DOCK3: variants seen among roughly 807,000 people sequenced by gnomAD.
DOCK3 encodes the protein dedicator of cytokinesis protein 3.
DOCK3 carries 60 observed loss-of-function variants against 265.6 expected under a neutral mutation model. That is an observed-to-expected ratio of 0.23 (90% CI 0.18 to 0.28). The LOEUF is 0.28. Among genes scored for constraint, DOCK3 ranks in the 10% least tolerant of loss-of-function variants. The pLI is 1.00. For missense variants in DOCK3, 1,981 were observed against 2,594.3 expected (o/e 0.76, Z 5.14); for synonymous variants, 881 against 938.0 (o/e 0.94, Z 1.11).
chr3:51,070,919 G>A (rs2081835579), intron 6 of DOCK3, among the ~76,000 whole-genome samples: 1 of 152,052 alleles, frequency 6.6e-6, no homozygotes, highest in Non-Finnish European at 1.5e-5. Context: ...ATGATCTGAG[G>A]TGGAACAGTT....
chr3:50,914,166 C>T (rs1016616878), intron 4 of DOCK3, among the ~76,000 whole-genome samples: 2 of 150,598 alleles, frequency 1.3e-5, no homozygotes, highest in Non-Finnish European at 3.0e-5. Context: ...TTTTGTGGCT[C>T]TTTGTATTTT....
At chr3:51,355,275 G>A (rs2086287835) in intron 41 of DOCK3, among the ~76,000 whole-genome samples, 1 of 152,190 alleles carries the variant, frequency 6.6e-6, no homozygotes, top group African/African-American at 2.4e-5. Flanking sequence ...TTATCCCTCA[G>A]GCTGGCTGCT....
At position 50,734,602 on chromosome 3, in the gene DOCK3, G is replaced by GTTTTTTTTTTT. The variant is rs771129941; in HGVS notation, c.38-44065_38-44055dup. Among the ~76,000 whole-genome samples, 6 of 107,382 alleles carry GTTTTTTTTTTT rather than the reference G, an allele frequency of 5.6e-5. 1 individual carries two copies. The highest frequency in any genetic ancestry group is 7.4e-5 in the African/African-American group (2 of 27,080). 70.4% of individuals were successfully genotyped at this position (107,382 alleles called of 152,430 possible). On this transcript the variant is annotated intron_variant, in intron 1 of 52. Transcript: ENST00000266037. ...TATTATATTCTTGCTTTTACAGTGA[G>GTTTTTTTTTTT]TTTTTTTTTTTTTTTTTTGAGATGG...
rs1216965856 is a variant in DOCK3, at chr3:51,064,640, A to T, written c.464+44A>T. On this transcript the variant is annotated intron_variant, in intron 6 of 52. Coordinates refer to ENST00000266037, the MANE Select transcript of DOCK3 (RefSeq NM_004947.5). Reference sequence around the variant, plus strand: ...TGGGTATCTCTCAGTTTCATTTATGATAACTCAGTCTTCAGGGAGTTTGCA... The same window carrying T: ...TGGGTATCTCTCAGTTTCATTTATGTTAACTCAGTCTTCAGGGAGTTTGCA... 3 of 1,603,602 alleles carry T rather than the reference A, an allele frequency of 1.9e-6. No homozygotes were observed. In the Admixed American group the frequency reaches 5.0e-5, roughly 27 times the overall value.
rs535622879 is a variant in DOCK3, at chr3:51,176,468, A to T, written c.1037+15766A>T. ...CCGTCTCTACTAAAAAATAAAAAAA[A>T]AAAAAAAATTAGCCAAGCGTGGTGG... On this transcript the variant is annotated intron_variant, in intron 12 of 52. Transcript: ENST00000266037. Among the ~76,000 whole-genome samples the T allele has an allele frequency of 8.6e-3, 430 of 49,866 alleles. 3 individuals carry two copies. Among genetic ancestry groups the T allele is most frequent in the African/African-American group, 0.034 (409 of 12,166 alleles). 32.7% of individuals were successfully genotyped at this position (49,866 alleles called of 152,430 possible).
At position 51,350,392 on chromosome 3, in the gene DOCK3, G is replaced by A; in HGVS notation, c.4107G>A (p.Arg1369=). ...GCAGGAAGTTTCCTTTCTTTCTTCG[G>A]GTGAGTCCATTCAGATGGTCACAAG... ...FYGRKFPFFL[R]NKEYVCRGHD... Residue 1369 remains arginine, a splice_region_variant and synonymous_variant, in exon 40 of 53, where the codon CGG becomes CGA. Transcript: ENST00000266037. 6.2e-7 allele frequency: 1 copy of A among 1,610,176 alleles called. No homozygotes were observed. Among genetic ancestry groups the A allele is most frequent in the South Asian group, 1.1e-5 (1 of 90,002 alleles).
At chr3:51,288,037 C>A (rs2081508738) in intron 27 of DOCK3, among the ~76,000 whole-genome samples, 2 of 152,154 alleles carry the variant, frequency 1.3e-5, no homozygotes, top group South Asian at 4.1e-4. Flanking sequence ...ACACAGAAAA[C>A]CAAATACCAC....
At chr3:51,203,009 G>C (rs372532972) in intron 12 of DOCK3, among the ~76,000 whole-genome samples, 2 of 152,046 alleles carry the variant, frequency 1.3e-5, no homozygotes, top group African/African-American at 4.8e-5. Flanking sequence ...GTATTGATGG[G>C]ACCTATCTCA....
intron 22 of DOCK3, among the ~76,000 whole-genome samples, chr3:51,257,721 A>C (rs914303463): frequency 3.3e-5 from 5 of 152,224 alleles, no homozygotes; most frequent in Non-Finnish European, 5.9e-5. Context: ...AACTTAAACA[A>C]AAATGGACAG....
At chr3:51,011,576 C>T (rs2078952016) in intron 5 of DOCK3, among the ~76,000 whole-genome samples, 2 of 152,144 alleles carry the variant, frequency 1.3e-5, no homozygotes, top group South Asian at 2.1e-4. Context: ...TGAACTTCCT[C>T]CTTTAGCTCA....
chr3:51,116,188 A>G (rs2083728993), intron 9 of DOCK3, among the ~76,000 whole-genome samples: 1 of 152,064 alleles, frequency 6.6e-6, no homozygotes, highest in Non-Finnish European at 1.5e-5. Context: ...GTGGTGGCTC[A>G]TGCCTGTAAT....
At chr3:50,693,530 C>CTTTTTT (rs35261130) in intron 1 of DOCK3, among the ~76,000 whole-genome samples, 3 of 64,256 alleles carry the variant, frequency 4.7e-5, no homozygotes, top group East Asian at 5.0e-4. Context: ...ATTTCCTTTC[C>CTTTTTT]TTTTTTTTTT....
chr3:50,841,561 CAGTGGGTG>C, intron 2 of DOCK3, 106 bp from the exon 3 acceptor site: 1 of 349,868 alleles, frequency 2.9e-6, no homozygotes, highest in Admixed American at 4.1e-5. Context: ...AATAAAGCCA[CAGTGGGTG>C]TTTTAAGGAA....
At chr3:50,725,318 A>G (rs2037748247) in intron 1 of DOCK3, among the ~76,000 whole-genome samples, 2 of 152,220 alleles carry the variant, frequency 1.3e-5, no homozygotes, top group Admixed American at 6.5e-5. Context: ...GACTATGGTA[A>G]ATTAAGGATG....
Position 51,067,456 on chromosome 3 carries a change from T to TGTGTGTGTGTGTGC in DOCK3, c.464+2861_464+2862insTGTGTGTGTGTGCG, listed in dbSNP as rs1553750450. ...GTGTGTGTGTGTGTGTGTGTGTGTG[T>TGTGTGTGTGTGTGC]GCGCGCGCGTTGGAGGGGTATGTAT... On this transcript the variant is annotated intron_variant, in intron 6 of 52. Coordinates refer to ENST00000266037, the MANE Select transcript of DOCK3 (RefSeq NM_004947.5). Among the ~76,000 whole-genome samples the TGTGTGTGTGTGTGC allele has an allele frequency of 4.6e-3, 691 of 150,316 alleles. 2 individuals are homozygous for TGTGTGTGTGTGTGC. The highest frequency in any genetic ancestry group is 6.8e-3 in the Middle Eastern group (2 of 292).
intron 42 of DOCK3, 53 bp from the exon 43 acceptor site, chr3:51,356,353 AG>A (rs1482021697): frequency 1.9e-5 from 31 of 1,612,438 alleles, no homozygotes; most frequent in Middle Eastern, 1.6e-4. Flanking sequence ...TCAGGTAGGC[AG>A]GGTGTGGCAA....
intron 22 of DOCK3, among the ~76,000 whole-genome samples, chr3:51,249,096 G>C (rs1326778274): frequency 6.6e-6 from 1 of 151,600 alleles, no homozygotes; most frequent in African/African-American, 2.4e-5. Flanking sequence ...GTCCGGGAGG[G>C]AGGTGGGGGG....
At chr3:51,048,672 C>G (rs541660492) in intron 5 of DOCK3, among the ~76,000 whole-genome samples, 2 of 152,242 alleles carry the variant, frequency 1.3e-5, no homozygotes, top group East Asian at 3.9e-4. Flanking sequence ...TTGGCATCAT[C>G]ATCATTCCTG....
At chr3:51,143,786 C>A (rs932935282) in intron 9 of DOCK3, among the ~76,000 whole-genome samples, 4 of 152,030 alleles carry the variant, frequency 2.6e-5, no homozygotes, top group African/African-American at 4.8e-5. Flanking sequence ...GTAGCTTGTC[C>A]TTTCATTTTC....
Sources: allele counts gnomAD v4.1 joint callset (sites outside exome capture counted in the v4.1 genomes callset), GRCh38; gene constraint gnomAD v4.1.1; transcripts MANE v1.5; gene names NCBI Gene and HGNC (gene_info 2026-07-23, HGNC 2026-07-21).